FRAS1: variants seen among roughly 807,000 people sequenced by gnomAD.
FRAS1 encodes the protein Fraser extracellular matrix complex subunit 1.
Under a neutral mutation model 435.2 loss-of-function variants are expected in FRAS1, and 290 were observed. The ratio of observed to expected loss-of-function variants is 0.67; its 90% CI spans 0.61 to 0.73. FRAS1 has a LOEUF of 0.73. Among genes scored for constraint, FRAS1 ranks in the 30% least tolerant of loss-of-function variants. The pLI is 0.00. For missense variants in FRAS1, 4,860 were observed against 5,001.5 expected (o/e 0.97, Z 0.85); for synonymous variants, 1,800 against 1,851.0 (o/e 0.97, Z 0.71).
chr4:78,388,682 C>T (rs1053876910), intron 29 of FRAS1, among the ~76,000 whole-genome samples: 4 of 151,474 alleles, frequency 2.6e-5, no homozygotes, highest in African/African-American at 7.3e-5. Flanking sequence ...ATGGCATGCA[C>T]CTATAGTCTC....
chr4:78,443,969 C>A, intron 41 of FRAS1: 1 of 316,578 alleles, frequency 3.2e-6, no homozygotes, highest in East Asian at 9.3e-5. Flanking sequence ...CTACCTCAGC[C>A]TCCCAAGTAC....
chr4:78,278,698 G>A lies in FRAS1; in HGVS notation c.1025G>A (p.Cys342Tyr), dbSNP rs1355762107. Residue 342 changes from cysteine to tyrosine, a missense_variant, in exon 10 of 74, where the codon TGC becomes TAC. Transcript: ENST00000512123. ...TTAGATGGAAAGTGTTGTCCTGAAT[G>A]CATTTCAAGGAATGGTTATTGTGTT... ...IHLDGKCCPE[C>Y]ISRNGYCVYE... The A allele has an allele frequency of 1.0e-5, 16 of 1,607,850 alleles. No individual in the cohort carries two copies. Among genetic ancestry groups the A allele is most frequent in the Non-Finnish European group, 1.4e-5 (16 of 1,174,900 alleles).
intron 2 of FRAS1, among the ~76,000 whole-genome samples, chr4:78,082,336 A>G (rs1000001955): frequency 3.9e-5 from 6 of 152,100 alleles, no homozygotes; most frequent in Non-Finnish European, 8.8e-5. Context: ...TCACCCTATT[A>G]TACTTCTCTG....
intron 2 of FRAS1, among the ~76,000 whole-genome samples, chr4:78,094,575 G>A (rs1246928717): frequency 6.6e-6 from 1 of 151,916 alleles, no homozygotes; most frequent in Non-Finnish European, 1.5e-5. Context: ...TATATACTAT[G>A]TTGTAGAAAC....
intron 30 of FRAS1, among the ~76,000 whole-genome samples, chr4:78,402,863 C>G (rs1175987368): frequency 6.6e-6 from 1 of 152,162 alleles, no homozygotes. Flanking sequence ...TTTGTAGACT[C>G]TCACTCAATT....
At chr4:78,513,692 A>G (rs1721111601) in intron 65 of FRAS1, 140 bp downstream of exon 65, 1 of 736,322 alleles carries the variant, frequency 1.4e-6, no homozygotes, top group African/African-American at 1.7e-5. Context: ...TCTAGCACAC[A>G]TGCAAATGCC....
intron 5 of FRAS1, among the ~76,000 whole-genome samples, chr4:78,253,323 C>T (rs1414388702): frequency 6.6e-6 from 1 of 152,110 alleles, no homozygotes; most frequent in African/African-American, 2.4e-5. Context: ...TTATTCTGTT[C>T]TTTTTCAAGG....
Position 78,445,559 on chromosome 4 carries a change from G to A in FRAS1, c.5703G>A (p.Glu1901=), listed in dbSNP as rs369351042. 79 of 1,607,692 alleles carry A rather than the reference G, an allele frequency of 4.9e-5. No homozygotes were observed. Among genetic ancestry groups the A allele is most frequent in the Admixed American group, 6.7e-5 (4 of 59,754 alleles). Residue 1901 remains glutamate, a synonymous_variant, in exon 42 of 74, where the codon GAG becomes GAA. Coordinates refer to ENST00000512123, the MANE Select transcript of FRAS1 (RefSeq NM_025074.7). ...GCCCTGAAACTGCCAGTGACCTAGA[G>A]GCATCATTTCCTATTCAAGACGTCC... The part of the protein sequence containing the change: ...RFGPETASDL[E]ASFPIQDVLE...
chr4:78,285,625 T>C lies in FRAS1; in HGVS notation c.1400-780T>C, dbSNP rs563012302. 5.3e-5 allele frequency among the ~76,000 whole-genome samples: 8 copies of C among 151,890 alleles called. 2 individuals are homozygous for C. Among genetic ancestry groups the C allele is most frequent in the African/African-American group, 1.9e-4 (8 of 41,490 alleles). On this transcript the variant is annotated intron_variant, in intron 13 of 73. Coordinates refer to ENST00000512123, the MANE Select transcript of FRAS1 (RefSeq NM_025074.7). The stretch of plus-strand genomic sequence containing the variant: ...TTTCATATTTTTAGTAGAGATAGGG[T>C]TTTGCCGTGTTGGCCAGGCTGGTCT...
intron 2 of FRAS1, among the ~76,000 whole-genome samples, chr4:78,218,414 A>G (rs762022630): frequency 6.6e-6 from 1 of 152,094 alleles, no homozygotes; most frequent in African/African-American, 2.4e-5. Flanking sequence ...AGAAGAGTAG[A>G]CTATGCATTT....
At chr4:78,304,986 C>G (rs1353220873) in intron 14 of FRAS1, among the ~76,000 whole-genome samples, 1 of 152,178 alleles carries the variant, frequency 6.6e-6, no homozygotes, top group Non-Finnish European at 1.5e-5. Context: ...CCTGCTTTCT[C>G]TTGTGGGCAT....
rs767802835 is a variant in FRAS1, at chr4:78,508,799, C to T, written c.9573C>T (p.Ser3191=). 3 of 1,613,692 alleles carry T rather than the reference C, an allele frequency of 1.9e-6. No homozygotes were observed. Among genetic ancestry groups the T allele is most frequent in the South Asian group, 1.1e-5 (1 of 91,014 alleles). ...AGGAAGGAGTCAAGAAATCCCCCTC[C>T]CCAGGCTACCCACTGGTCTGTGTCA... The part of the protein sequence containing the change: ...VTKEGVKKSP[S]PGYPLVCVTP... The change falls in exon 63 of 74, where the codon TCC becomes TCT. Residue 3191 remains serine (S), a synonymous_variant. Transcript: ENST00000512123.
chr4:78,190,076 A>T (rs1420453560), intron 2 of FRAS1, among the ~76,000 whole-genome samples: 2 of 152,230 alleles, frequency 1.3e-5, no homozygotes, highest in Non-Finnish European at 2.9e-5. Flanking sequence ...TATTAAATTC[A>T]GATCAGGCCC....
chr4:78,117,420 A>G (rs1442111940), intron 2 of FRAS1, among the ~76,000 whole-genome samples: 2 of 152,206 alleles, frequency 1.3e-5, no homozygotes, highest in African/African-American at 4.8e-5. Flanking sequence ...AATATCCTGC[A>G]GAGTGTTTTC....
chr4:78,377,312 G>C (rs925816255), intron 26 of FRAS1, among the ~76,000 whole-genome samples: 1 of 152,058 alleles, frequency 6.6e-6, no homozygotes, highest in Non-Finnish European at 1.5e-5. Flanking sequence ...TTATTTTTGG[G>C]GAATCTTTCT....
chr4:78,458,033 AAT>A (rs1326775265), intron 47 of FRAS1, among the ~76,000 whole-genome samples: 1 of 152,186 alleles, frequency 6.6e-6, no homozygotes, highest in African/African-American at 2.4e-5. Flanking sequence ...GTCCTTAGGG[AAT>A]ACACAGTTAG....
intron 4 of FRAS1, among the ~76,000 whole-genome samples, chr4:78,247,257 C>T (rs1443936700): frequency 6.6e-6 from 1 of 152,154 alleles, no homozygotes; most frequent in Non-Finnish European, 1.5e-5. Context: ...ATGTAGAAAG[C>T]TCTAAACTGG....
chr4:78,254,639 A>G (rs547659989), intron 5 of FRAS1, among the ~76,000 whole-genome samples: 23 of 152,290 alleles, frequency 1.5e-4, no homozygotes, highest in African/African-American at 5.5e-4. Context: ...CATGAGAAAG[A>G]CTTTGGACGT....
Position 78,457,121 on chromosome 4 carries a change from C to A in FRAS1, c.6763+4767C>A, listed in dbSNP as rs144645986. On this transcript the variant is annotated intron_variant, in intron 47 of 73. Coordinates refer to ENST00000512123, the MANE Select transcript of FRAS1 (RefSeq NM_025074.7). Reference sequence around the variant, plus strand: ...CTGCTTGGCTAGATGAAGAAAAGATCTTCTCTGATCTGTCAGAATTCCTAA... The same window carrying A: ...CTGCTTGGCTAGATGAAGAAAAGATATTCTCTGATCTGTCAGAATTCCTAA... Among the ~76,000 whole-genome samples, 11 of 152,310 alleles carry A rather than the reference C, an allele frequency of 7.2e-5. No homozygotes were observed. The East Asian group carries it at 2.1e-3, about 29-fold the overall frequency.
Sources: gnomAD v4.1 joint callset for allele counts (sites outside exome capture counted in the v4.1 genomes callset) on GRCh38, gnomAD v4.1.1 for gene constraint, MANE v1.5 for transcripts, NCBI Gene and HGNC (gene_info 2026-07-23, HGNC 2026-07-21) for gene names.